Variants in FMN2 observed in about 807,000 individuals in gnomAD.
FMN2 encodes formin 2, also known as formin-2.
FMN2 carries 51 observed loss-of-function variants against 142.3 expected under a neutral mutation model. That is an observed-to-expected ratio of 0.36 (90% confidence interval 0.29 to 0.45). The LOEUF (loss-of-function observed/expected upper bound fraction) is 0.45, where lower values mean the gene tolerates loss of function less well. Among genes scored for constraint, FMN2 ranks in the 20% least tolerant of loss-of-function variants. FMN2 has a pLI of 1.00. For missense variants in FMN2, 1,936 were observed against 2,122.8 expected (o/e 0.91, Z 1.73); for synonymous variants, 882 against 869.8 (o/e 1.01, Z -0.25).
intron 15 of FMN2, among the ~76,000 whole-genome samples, chr1:240,397,181 T>C (rs1221953294): frequency 2.0e-5 from 3 of 152,194 alleles, no homozygotes; most frequent in Non-Finnish European, 4.4e-5. Context: ...CATGGTGATT[T>C]TGATTTGTAT....
chr1:240,298,115 G>C (rs988453074), intron 8 of FMN2, among the ~76,000 whole-genome samples: 4 of 152,150 alleles, frequency 2.6e-5, no homozygotes, highest in African/African-American at 9.7e-5. Flanking sequence ...ATACTAGCTG[G>C]CACTGGTTAA....
intron 13 of FMN2, among the ~76,000 whole-genome samples, chr1:240,348,532 T>TC (rs897215006): frequency 6.6e-6 from 1 of 151,960 alleles, no homozygotes; most frequent in African/African-American, 2.4e-5. Context: ...CTATTTTTTT[T>TC]TTTTTTTTGA....
At chr1:240,441,934 A>C (rs983164589) in intron 16 of FMN2, among the ~76,000 whole-genome samples, 1 of 152,154 alleles carries the variant, frequency 6.6e-6, no homozygotes, top group African/African-American at 2.4e-5. Context: ...ACCTCAAAGC[A>C]AAAAGAGAGA....
chr1:240,310,801 A>T (rs1383042215), intron 8 of FMN2, among the ~76,000 whole-genome samples: 1 of 152,130 alleles, frequency 6.6e-6, no homozygotes, highest in African/African-American at 2.4e-5. Context: ...AAAATTACTC[A>T]TTTTTTTAAG....
At chr1:240,423,396 T>A (rs367691486) in intron 15 of FMN2, among the ~76,000 whole-genome samples, 1 of 152,224 alleles carries the variant, frequency 6.6e-6, no homozygotes, top group African/African-American at 2.4e-5. Flanking sequence ...AATCCAACAC[T>A]GCACAATAAA....
chr1:240,474,428 A>G lies in FMN2; in HGVS notation c.*274A>G, dbSNP rs1254925159. 8.7e-6 allele frequency: 3 copies of G among 344,464 alleles called. No individual in the cohort carries two copies. The East Asian group carries it at 1.4e-4, about 16-fold the overall frequency. 21.3% of individuals were successfully genotyped at this position (344,464 alleles called of 1,614,324 possible). A position where few individuals can be genotyped will look rare whatever the true frequency, so the allele number is the denominator to read the frequency against. On this transcript the variant is annotated 3_prime_UTR_variant, in exon 18 of 18. Coordinates refer to ENST00000319653, the MANE Select transcript of FMN2 (RefSeq NM_020066.5). The stretch of plus-strand genomic sequence containing the variant: ...GATAGACCAAAACAGCATGTGTAAG[A>G]GGCAGTATCTGCACTAATTCTCAAC...
chr1:240,338,501 A>G (rs1005448545), intron 13 of FMN2, among the ~76,000 whole-genome samples: 9 of 152,164 alleles, frequency 5.9e-5, no homozygotes, highest in African/African-American at 2.2e-4. Context: ...CCTTGATCCA[A>G]AAATATTAAG....
chr1:240,279,615 G>T (rs999470275), intron 7 of FMN2, among the ~76,000 whole-genome samples: 1 of 152,040 alleles, frequency 6.6e-6, no homozygotes, highest in African/African-American at 2.4e-5. Context: ...TTAGAACAGA[G>T]GCCTTTCTAT....
intron 8 of FMN2, among the ~76,000 whole-genome samples, chr1:240,296,863 A>G (rs773320634): frequency 1.1e-4 from 16 of 152,190 alleles, no homozygotes; most frequent in Admixed American, 4.6e-4. Context: ...GGAAGCTTTC[A>G]GTGATTTATT....
chr1:240,322,637 C>T (rs1202524267), intron 8 of FMN2, among the ~76,000 whole-genome samples: 1 of 152,132 alleles, frequency 6.6e-6, no homozygotes, highest in Non-Finnish European at 1.5e-5. Context: ...GAGGGTCTTT[C>T]CTCAAGAAAC....
intron 14 of FMN2, among the ~76,000 whole-genome samples, chr1:240,360,119 G>GT (rs139258349): frequency 6.6e-6 from 1 of 152,032 alleles, no homozygotes; most frequent in Non-Finnish European, 1.5e-5. Context: ...TGACAACTCA[G>GT]TTTTTTTCCT....
chr1:240,430,550 C>T (rs1025731152), intron 15 of FMN2, among the ~76,000 whole-genome samples: 1 of 151,650 alleles, frequency 6.6e-6, no homozygotes, highest in Non-Finnish European at 1.5e-5. Context: ...CTTTTTGTGT[C>T]TTATGTAATA....
chr1:240,336,582 A>AAAGG (rs144682452), intron 13 of FMN2, among the ~76,000 whole-genome samples: 16 of 101,840 alleles, frequency 1.6e-4, no homozygotes, highest in South Asian at 4.0e-4. Context: ...AAAAAAAAAA[A>AAAGG]GGTGGTTGCA....
At chr1:240,117,890 G>A (rs1033098402) in intron 1 of FMN2, among the ~76,000 whole-genome samples, 1 of 152,128 alleles carries the variant, frequency 6.6e-6, no homozygotes, top group Non-Finnish European at 1.5e-5. Flanking sequence ...TAAATTCAAG[G>A]GCTAAGCTCT....
At chr1:240,269,130 A>G (rs1668909594) in intron 7 of FMN2, among the ~76,000 whole-genome samples, 1 of 151,990 alleles carries the variant, frequency 6.6e-6, no homozygotes, top group Non-Finnish European at 1.5e-5. Flanking sequence ...TGCCCTGACC[A>G]ATGTCATGGA....
Position 240,093,882 on chromosome 1 carries a change from C to G in FMN2, c.1615+158C>G, listed in dbSNP as rs542753774. Among the ~76,000 whole-genome samples the G allele has an allele frequency of 3.9e-5, 6 of 152,354 alleles. No homozygotes were observed. The South Asian group carries it at 8.3e-4, about 21-fold the overall frequency. On this transcript the variant is annotated intron_variant, in intron 1 of 17. Transcript: ENST00000319653. ...CTTTTCCGCCCAGCGAGCTCACCCC[C>G]CACGGTGAAATGACTTGGACATACT...
chr1:240,226,102 G>A (rs1667288376), intron 6 of FMN2, among the ~76,000 whole-genome samples: 1 of 152,080 alleles, frequency 6.6e-6, no homozygotes, highest in South Asian at 2.1e-4. Flanking sequence ...CCAAAGGAGA[G>A]GAGAGAGAAA....
rs368186297 is a variant in FMN2 at position 240,159,651 on chromosome 1, G to A, written c.1783-18270G>A. Reference sequence around the variant, plus strand: ...TGTCCACACTATCATTACAAGCTCAGAACAGAGTGTGGGGAGAACCTATTC... The same window carrying A: ...TGTCCACACTATCATTACAAGCTCAAAACAGAGTGTGGGGAGAACCTATTC... On this transcript the variant is annotated intron_variant, in intron 2 of 17. Transcript: ENST00000319653. Among the ~76,000 whole-genome samples, 36 of 152,166 alleles carry A rather than the reference G, an allele frequency of 2.4e-4. No individual in the cohort carries two copies. In the East Asian group the frequency reaches 5.0e-3, roughly 21 times the overall value.
At chr1:240,135,872 GT>G (rs1662918036) in intron 2 of FMN2, among the ~76,000 whole-genome samples, 1 of 151,782 alleles carries the variant, frequency 6.6e-6, no homozygotes, top group Non-Finnish European at 1.5e-5. Context: ...TAGAGATGGG[GT>G]TTTACCATGT....
Sources: gnomAD v4.1 joint callset for allele counts (sites outside exome capture counted in the v4.1 genomes callset) on GRCh38, gnomAD v4.1.1 for gene constraint, MANE v1.5 for transcripts, NCBI Gene and HGNC (gene_info 2026-07-23, HGNC 2026-07-21) for gene names.